Variants in VTI1A observed in about 807,000 individuals in gnomAD.
VTI1A encodes the protein vesicle transport through interaction with t-SNAREs homolog 1A.
In VTI1A, 22 loss-of-function variants were observed where a neutral mutation model predicts 34.9. The observed-to-expected ratio is 0.63, with a 90% CI of 0.45 to 0.90. VTI1A has a LOEUF of 0.90. VTI1A is among the 40% of genes least tolerant of loss of function. The pLI, the probability that VTI1A is intolerant of heterozygous loss-of-function variation, is 0.00. For missense variants in VTI1A, 268 were observed against 275.6 expected (o/e 0.97, Z 0.20); for synonymous variants, 87 against 97.3 (o/e 0.89, Z 0.62).
intron 1 of VTI1A, among the ~76,000 whole-genome samples, chr10:112,451,527 T>G (rs1164386858): frequency 6.6e-6 from 1 of 152,188 alleles, no homozygotes; most frequent in African/African-American, 2.4e-5. Flanking sequence ...AGGTAAGTGA[T>G]TAGGGCCTTT....
intron 7 of VTI1A, among the ~76,000 whole-genome samples, chr10:112,714,755 C>A (rs949324307): frequency 6.6e-6 from 1 of 152,198 alleles, no homozygotes; most frequent in African/African-American, 2.4e-5. Flanking sequence ...AAAATGGTAT[C>A]TGGGTGTCTG....
At chr10:112,459,086 TAGTC>T (rs551586525) in intron 1 of VTI1A, among the ~76,000 whole-genome samples, 11 of 152,204 alleles carry the variant, frequency 7.2e-5, no homozygotes, top group African/African-American at 2.2e-4. Flanking sequence ...TCTGTTGTGT[TAGTC>T]AGTCTCATTA....
intron 5 of VTI1A, among the ~76,000 whole-genome samples, chr10:112,573,523 T>C (rs1185049867): frequency 1.3e-5 from 2 of 152,172 alleles, no homozygotes; most frequent in Non-Finnish European, 2.9e-5. Context: ...CAAAAAGAAA[T>C]TGACTGAGGT....
chr10:112,522,880 A>G (rs2134211485), intron 3 of VTI1A, among the ~76,000 whole-genome samples: 1 of 152,212 alleles, frequency 6.6e-6, no homozygotes, highest in African/African-American at 2.4e-5. Flanking sequence ...ATAACATTGT[A>G]TTAAATTCCC....
chr10:112,765,556 T>C (rs1487195363), intron 7 of VTI1A, among the ~76,000 whole-genome samples: 1 of 152,208 alleles, frequency 6.6e-6, no homozygotes, highest in East Asian at 1.9e-4. Context: ...TATTGAAAAA[T>C]ATTTATTGAG....
chr10:112,770,915 G>T (rs955095550), intron 7 of VTI1A, among the ~76,000 whole-genome samples: 1 of 152,064 alleles, frequency 6.6e-6, no homozygotes, highest in African/African-American at 2.4e-5. Flanking sequence ...CAAATGACAT[G>T]TTTTAGAAAT....
At chr10:112,727,454 A>G (rs1202472992) in intron 7 of VTI1A, among the ~76,000 whole-genome samples, 1 of 152,122 alleles carries the variant, frequency 6.6e-6, no homozygotes, top group Non-Finnish European at 1.5e-5. Context: ...TATAATTCCT[A>G]GGAAGTTGAA....
At chr10:112,641,840 C>T (rs1364716246) in intron 5 of VTI1A, among the ~76,000 whole-genome samples, 1 of 152,136 alleles carries the variant, frequency 6.6e-6, no homozygotes, top group African/African-American at 2.4e-5. Flanking sequence ...AGTTTCCAGT[C>T]CACAGCCCAA....
chr10:112,672,449 C>T (rs1437768125), intron 7 of VTI1A, among the ~76,000 whole-genome samples: 4 of 152,170 alleles, frequency 2.6e-5, no homozygotes, highest in African/African-American at 9.7e-5. Context: ...TCGATCCTGA[C>T]ATGTGATGGA....
At chr10:112,791,832 A>ATT (rs1852490281) in intron 7 of VTI1A, among the ~76,000 whole-genome samples, 1 of 14,164 alleles carries the variant, frequency 7.1e-5, no homozygotes, top group Non-Finnish European at 1.7e-4. Context: ...AAACAATATA[A>ATT]CTTTTTTTTT....
At chr10:112,850,078 A>G in the VTI1A span, among the ~76,000 whole-genome samples, 1 of 152,218 alleles carries the variant, frequency 6.6e-6, no homozygotes, top group African/African-American at 2.4e-5. Flanking sequence ...AGCTTAATCC[A>G]TTTTATAAAG....
intron 1 of VTI1A, chr10:112,448,831 T>C (rs1049081679): frequency 1.3e-5 from 2 of 152,228 alleles, no homozygotes; most frequent in Non-Finnish European, 2.9e-5. Flanking sequence ...TAAGTAATTT[T>C]CTTCCCTTAT....
chr10:112,503,926 T>A lies in VTI1A; in HGVS notation c.265-23161T>A, dbSNP rs368115948. Among the ~76,000 whole-genome samples, 85 of 152,320 alleles carry A rather than the reference T, an allele frequency of 5.6e-4. 1 individual carries two copies. The South Asian group carries it at 0.015, about 27-fold the overall frequency. On this transcript the variant is annotated intron_variant, in intron 3 of 7. Transcript: ENST00000393077. ...TGTGATTGTTCTCCATGGCACAGGTTTCAGCATTCTGCCACTTTACGAAAT... is the reference window on the plus strand; with the variant it reads ...TGTGATTGTTCTCCATGGCACAGGTATCAGCATTCTGCCACTTTACGAAAT...
chr10:112,725,012 T>C (rs1037386053), intron 7 of VTI1A, among the ~76,000 whole-genome samples: 1 of 152,190 alleles, frequency 6.6e-6, no homozygotes, highest in African/African-American at 2.4e-5. Flanking sequence ...AGTATGTATC[T>C]CTAGAACATA....
At chr10:112,501,083 T>C (rs1849216942) in intron 3 of VTI1A, among the ~76,000 whole-genome samples, 1 of 152,222 alleles carries the variant, frequency 6.6e-6, no homozygotes. Flanking sequence ...CTGCCTTTCC[T>C]GGTATCATCG....
At chr10:112,705,104 A>G (rs967715284) in intron 7 of VTI1A, among the ~76,000 whole-genome samples, 5 of 149,744 alleles carry the variant, frequency 3.3e-5, no homozygotes, top group African/African-American at 9.9e-5. Context: ...GGATTTTGCC[A>G]TGTTGTCTGG....
chr10:112,700,031 T>C (rs959102360), intron 7 of VTI1A, among the ~76,000 whole-genome samples: 5 of 149,944 alleles, frequency 3.3e-5, no homozygotes, highest in Non-Finnish European at 7.4e-5. Flanking sequence ...AGGCAGAGAA[T>C]TGCTTGAACC....
the VTI1A span, among the ~76,000 whole-genome samples, chr10:112,848,347 A>G: frequency 3.3e-5 from 5 of 152,172 alleles, no homozygotes; most frequent in East Asian, 9.6e-4. Context: ...GGAGCCCTTG[A>G]GCTGGACCCA....
intron 5 of VTI1A, among the ~76,000 whole-genome samples, chr10:112,633,395 C>T (rs895938795): frequency 3.3e-5 from 5 of 152,174 alleles, no homozygotes; most frequent in African/African-American, 1.2e-4. Flanking sequence ...CCGAATTCTC[C>T]ATCTTACAGG....
Sources: allele counts gnomAD v4.1 joint callset (sites outside exome capture counted in the v4.1 genomes callset), GRCh38; gene constraint gnomAD v4.1.1; transcripts MANE v1.5; gene names NCBI Gene and HGNC (gene_info 2026-07-23, HGNC 2026-07-21).